MAP4K1: variants seen among roughly 807,000 people sequenced by gnomAD.
MAP4K1 encodes MAPK/ERK kinase kinase kinase 1.
Under a neutral mutation model 122.8 loss-of-function variants are expected in MAP4K1, and 35 were observed. The ratio of observed to expected loss-of-function variants is 0.29; its 90% CI spans 0.22 to 0.38. MAP4K1 has a LOEUF of 0.38. Ranked by LOEUF, MAP4K1 falls within the 10% of genes least tolerant of loss-of-function variation. The pLI, the probability that MAP4K1 is intolerant of heterozygous loss-of-function variation, is 1.00. For synonymous variants in MAP4K1, 412 were observed against 421.3 expected (o/e 0.98, Z 0.27); for missense variants, 791 against 1,072.6 (o/e 0.74, Z 3.67).
chr19:38,597,584 G>A lies in MAP4K1; in HGVS notation c.1680C>T (p.Pro560=). The change falls in exon 23 of 31, where the codon CCC becomes CCT. Residue 560 remains proline (P), a synonymous_variant. Coordinates refer to ENST00000396857, the MANE Select transcript of MAP4K1 (RefSeq NM_001042600.3). The surrounding 1 kb of genome is among the most constrained non-coding windows in gnomAD (Gnocchi z 4.6). ...CAAGGATGCTATGAGAATACAGGTG[G>A]GGGGTCTTTCCTGCAGGGTGTGTGT... ...NVLMSLSGKT[P]HLYSHSILGL... 4 of 1,611,752 alleles carry A rather than the reference G, an allele frequency of 2.5e-6. No individual in the cohort carries two copies. The highest frequency in any genetic ancestry group is 3.4e-6 in the Non-Finnish European group (4 of 1,178,916).
chr19:38,615,438 AG>A (rs751131044), intron 4 of MAP4K1, among the ~76,000 whole-genome samples: 7 of 152,130 alleles, frequency 4.6e-5, no homozygotes, highest in Admixed American at 1.3e-4. Context: ...GACATACAAA[AG>A]GAACAGGATT....
In MAP4K1 at chr19:38,609,576, CAT is replaced by C. The variant is rs1975432525; in HGVS notation, c.1006+18_1006+19del. 6.2e-7 allele frequency: 1 copy of C among 1,610,510 alleles called. No individual in the cohort carries two copies. The highest frequency in any genetic ancestry group is 8.5e-7 in the Non-Finnish European group (1 of 1,178,142). ...TATTATAGGGTCAGGTGTCCCCAAA[CAT>C]AAGGATTCTCTACTCACGACAGCAG... On this transcript the variant is annotated intron_variant, in intron 13 of 30. Transcript: ENST00000396857.
intron 30 of MAP4K1, among the ~76,000 whole-genome samples, chr19:38,590,438 A>AG (rs1974695015): frequency 2.2e-5 from 2 of 90,700 alleles, no homozygotes; most frequent in Non-Finnish European, 4.6e-5. Context: ...TATATATATA[A>AG]TCACGGGCGT....
At chr19:38,608,057 C>T (rs924568266) in intron 14 of MAP4K1, 24 bp from the exon 15 acceptor site, 2 of 1,580,182 alleles carry the variant, frequency 1.3e-6, no homozygotes, top group African/African-American at 2.7e-5. Context: ...AAAGGGTCAG[C>T]AGTGGCCTCA....
chr19:38,612,568 G>A, intron 9 of MAP4K1, 43 bp downstream of exon 9: 1 of 1,596,230 alleles, frequency 6.3e-7, no homozygotes, highest in Admixed American at 1.7e-5. Flanking sequence ...TTGGGCCAGG[G>A]CTAGACAGGA....
intron 29 of MAP4K1, among the ~76,000 whole-genome samples, chr19:38,594,220 AC>A (rs1467202331): frequency 1.3e-5 from 2 of 152,230 alleles, no homozygotes; most frequent in East Asian, 3.9e-4. Context: ...AGTGGCTCAC[AC>A]CTGTAATCCA....
At chr19:38,603,235 T>TGTAC (rs1975201676) in intron 19 of MAP4K1, among the ~76,000 whole-genome samples, 1 of 129,254 alleles carries the variant, frequency 7.7e-6, no homozygotes. Flanking sequence ...CATATACACA[T>TGTAC]ATATATACAC....
intron 29 of MAP4K1, among the ~76,000 whole-genome samples, chr19:38,594,377 C>T (rs1024249768): frequency 2.6e-5 from 4 of 152,276 alleles, no homozygotes; most frequent in African/African-American, 4.8e-5. Flanking sequence ...AAGTAGCTCA[C>T]GCCTGTACTC....
In MAP4K1 at chr19:38,608,099, G is replaced by A. The variant is rs1213611533; in HGVS notation, c.1065+13C>T. ...CAGGCGGTGTGGTGGGGAGTGGGGG[G>A]ACAGCATCTCACGGTGTTGGCTGGG... On this transcript the variant is annotated intron_variant, in intron 14 of 30. Transcript: ENST00000396857. The A allele has an allele frequency of 1.3e-6, 2 of 1,547,306 alleles. No homozygotes were observed. Among genetic ancestry groups the A allele is most frequent in the African/African-American group, 1.4e-5 (1 of 72,804 alleles).
At chr19:38,596,812 A>G (rs1015481997) in intron 25 of MAP4K1, among the ~76,000 whole-genome samples, 2 of 152,104 alleles carry the variant, frequency 1.3e-5, no homozygotes, top group Non-Finnish European at 2.9e-5. Flanking sequence ...ATTGAGCCTG[A>G]GGAATAATTA....
At chr19:38,590,990 C>T (rs1227872658) in intron 30 of MAP4K1, among the ~76,000 whole-genome samples, 4 of 151,716 alleles carry the variant, frequency 2.6e-5, no homozygotes, top group African/African-American at 7.3e-5. Context: ...CACACACACA[C>T]ACACACACAC....
At chr19:38,603,144 A>G (rs1403222115) in intron 19 of MAP4K1, among the ~76,000 whole-genome samples, 1 of 148,774 alleles carries the variant, frequency 6.7e-6, no homozygotes, top group African/African-American at 2.5e-5. Flanking sequence ...ATACATATAT[A>G]CACACATATA....
chr19:38,594,685 T>C (rs905773746), intron 29 of MAP4K1, among the ~76,000 whole-genome samples: 1 of 151,794 alleles, frequency 6.6e-6, no homozygotes, highest in African/African-American at 2.4e-5. Context: ...ACACCTGTAA[T>C]CCTAGCACTT....
intron 4 of MAP4K1, among the ~76,000 whole-genome samples, chr19:38,615,390 CAG>C (rs1053339470): frequency 6.6e-6 from 1 of 150,518 alleles, no homozygotes; most frequent in Non-Finnish European, 1.5e-5. Flanking sequence ...GGCACAGAGA[CAG>C]AGAGAGACAG....
rs748954629 is a variant in MAP4K1, at chr19:38,611,197, C to T, written c.728+46G>A. The stretch of plus-strand genomic sequence containing the variant: ...AAACCCTCCCATCAGGCCACCCAGC[C>T]CCAGCCCTGCCCTCTCTCACCCTCC... On this transcript the variant is annotated intron_variant, in intron 10 of 30. Transcript: ENST00000396857. The T allele has an allele frequency of 1.1e-5, 18 of 1,603,034 alleles. No homozygotes were observed. In the Admixed American group the frequency reaches 3.0e-4, roughly 27 times the overall value.
Position 38,589,432 on chromosome 19 carries a change from T to A in MAP4K1, c.2397-1615A>T, listed in dbSNP as rs188575057. Reference sequence around the variant, plus strand: ...CCAAAAGATACTTCTTTTTTTTTTTTTGAGACAGAGTTCACTCTTGTTGCC... The same window carrying A: ...CCAAAAGATACTTCTTTTTTTTTTTATGAGACAGAGTTCACTCTTGTTGCC... On this transcript the variant is annotated intron_variant, in intron 30 of 30. Transcript: ENST00000396857. 6.5e-3 allele frequency among the ~76,000 whole-genome samples: 991 copies of A among 151,794 alleles called. 10 individuals are homozygous for A. Among genetic ancestry groups the A allele is most frequent in the African/African-American group, 0.023 (943 of 41,424 alleles).
intron 11 of MAP4K1, among the ~76,000 whole-genome samples, chr19:38,610,306 A>G (rs554209407): frequency 4.6e-5 from 7 of 150,826 alleles, no homozygotes; most frequent in Non-Finnish European, 8.8e-5. Flanking sequence ...CCTGGGCTTA[A>G]TTGATTCTCG....
chr19:38,602,717 T>TAC (rs369012167), intron 19 of MAP4K1, among the ~76,000 whole-genome samples: 6 of 149,288 alleles, frequency 4.0e-5, no homozygotes, highest in African/African-American at 1.5e-4. Context: ...TATACATATA[T>TAC]ACACACATAT....
At chr19:38,613,136 C>T (rs1037654269) in intron 8 of MAP4K1, among the ~76,000 whole-genome samples, 2 of 151,804 alleles carry the variant, frequency 1.3e-5, no homozygotes, top group African/African-American at 2.4e-5. Context: ...GGTGAAAGCC[C>T]GTCTCTACTA....
Sources: gnomAD v4.1 joint callset for allele counts (sites outside exome capture counted in the v4.1 genomes callset) on GRCh38, gnomAD v4.1.1 for gene constraint, Gnocchi (gnomAD v3.1) non-coding constraint, MANE v1.5 for transcripts, NCBI Gene and HGNC (gene_info 2026-07-23, HGNC 2026-07-21) for gene names.